The following PPP3CC variants were observed in gnomAD, a reference collection of about 807,000 sequenced individuals.
The protein encoded by PPP3CC is protein phosphatase 3 catalytic subunit gamma, also known as serine/threonine-protein phosphatase 2B catalytic subunit gamma isoform.
A neutral mutation model predicts 60.3 loss-of-function variants in PPP3CC; 35 were observed. That is an observed-to-expected ratio of 0.58 (90% CI 0.44 to 0.77). The LOEUF (loss-of-function observed/expected upper bound fraction) is 0.77. Ranked by LOEUF, PPP3CC falls within the 30% of genes least tolerant of loss-of-function variation. The pLI is 0.00. For synonymous variants in PPP3CC, 206 were observed against 224.3 expected, an observed-to-expected ratio of 0.92 and a Z score of 0.73; for missense variants, 570 against 628.9, an observed-to-expected ratio of 0.91 and a Z score of 1.00.
intron 6 of PPP3CC, among the ~76,000 whole-genome samples, chr8:22,521,403 G>A (rs1434988359): frequency 6.6e-6 from 1 of 152,158 alleles, no homozygotes; most frequent in Non-Finnish European, 1.5e-5. Flanking sequence ...AGACAAGTGG[G>A]ACTGGAGCCG....
At chr8:22,528,655 AT>A (rs1162115490) in intron 10 of PPP3CC, 78 bp downstream of exon 10, 1 of 1,055,802 alleles carries the variant, frequency 9.5e-7, no homozygotes, top group African/African-American at 1.6e-5. Context: ...ATTTTGAATG[AT>A]TTTCTTTGTC....
chr8:22,487,364 C>T (rs748843146), intron 3 of PPP3CC, among the ~76,000 whole-genome samples: 7 of 152,236 alleles, frequency 4.6e-5, no homozygotes, highest in East Asian at 1.9e-4. Flanking sequence ...TGGCTCACAC[C>T]GGTAATCCTA....
At chr8:22,475,685 ATTC>A (rs1438247122) in intron 3 of PPP3CC, 61 bp downstream of exon 3, 3 of 1,448,434 alleles carry the variant, frequency 2.1e-6, no homozygotes, top group Non-Finnish European at 1.9e-6. Flanking sequence ...GATGATTTCC[ATTC>A]TTCAGTAGAA....
Position 22,511,117 on chromosome 8 carries a change from T to C in PPP3CC, c.516T>C (p.Asp172=). 6.2e-7 allele frequency: 1 copy of C among 1,614,134 alleles called. No homozygotes were observed. Among genetic ancestry groups the C allele is most frequent in the South Asian group, 1.1e-5 (1 of 91,084 alleles). ...CRIKYSEQVY[D]ACMETFDCLP... ...TCAAATATTCGGAACAGGTGTATGA[T>C]GCCTGTATGGAGACATTTGACTGTC... Residue 172 remains aspartate, a synonymous_variant, in exon 5 of 14, where the codon GAT becomes GAC. Coordinates refer to ENST00000240139, the MANE Select transcript of PPP3CC (RefSeq NM_005605.5).
At chr8:22,525,542 C>T (rs1343469029) in intron 8 of PPP3CC, among the ~76,000 whole-genome samples, 9 of 54,968 alleles carry the variant, frequency 1.6e-4, no homozygotes, top group Admixed American at 1.2e-3. Context: ...TTCTTTCTCT[C>T]CCTCTCTCTC....
intron 1 of PPP3CC, among the ~76,000 whole-genome samples, chr8:22,473,442 A>C (rs1837790758): frequency 6.6e-6 from 1 of 151,372 alleles, no homozygotes; most frequent in Non-Finnish European, 1.5e-5. Flanking sequence ...CCAGGTTAGA[A>C]AACATAACTG....
At chr8:22,506,458 A>G (rs189546170) in intron 4 of PPP3CC, among the ~76,000 whole-genome samples, 3 of 152,342 alleles carry the variant, frequency 2.0e-5, no homozygotes, top group Non-Finnish European at 4.4e-5. Context: ...AAAAGCAAGT[A>G]AAGAACAGTA....
chr8:22,521,661 T>G (rs1839408043), intron 6 of PPP3CC, among the ~76,000 whole-genome samples: 1 of 152,160 alleles, frequency 6.6e-6, no homozygotes, highest in Admixed American at 6.5e-5. Context: ...ACTTTAAAAG[T>G]AAATTTGTTC....
chr8:22,469,653 T>A (rs1586805273), intron 1 of PPP3CC, among the ~76,000 whole-genome samples: 1 of 152,040 alleles, frequency 6.6e-6, no homozygotes, highest in Non-Finnish European at 1.5e-5. Context: ...AGGCCACATG[T>A]GGGTATTCTC....
At position 22,483,167 on chromosome 8, in the gene PPP3CC, A is replaced by T. The variant is rs535749685; in HGVS notation, c.372+7543A>T. ...ACTAAGAGAATGTCAATACTTTAAG[A>T]AAAGCCCTGTTCTACAATAGGAGAC... On this transcript the variant is annotated intron_variant, in intron 3 of 13. Transcript: ENST00000240139. 9.4e-4 allele frequency among the ~76,000 whole-genome samples: 143 copies of T among 152,392 alleles called. 1 individual carries two copies. The highest frequency in any genetic ancestry group is 3.2e-3 in the African/African-American group (132 of 41,590).
intron 4 of PPP3CC, among the ~76,000 whole-genome samples, chr8:22,501,897 C>T (rs970116623): frequency 7.2e-5 from 11 of 152,182 alleles, no homozygotes; most frequent in African/African-American, 2.4e-4. Context: ...CATGGTGGTA[C>T]AAGCCTGTAG....
At chr8:22,487,392 G>C (rs562636858) in intron 3 of PPP3CC, among the ~76,000 whole-genome samples, 2 of 152,300 alleles carry the variant, frequency 1.3e-5, no homozygotes, top group South Asian at 2.1e-4. Flanking sequence ...GGGAGGCCAA[G>C]GAGGGTGGGT....
chr8:22,503,681 T>C, intron 4 of PPP3CC, among the ~76,000 whole-genome samples: 1 of 152,184 alleles, frequency 6.6e-6, no homozygotes, highest in East Asian at 1.9e-4. Context: ...CCTGGAAACA[T>C]TTTAAGTATC....
chr8:22,445,759 T>A, intron 1 of PPP3CC, among the ~76,000 whole-genome samples: 1 of 152,240 alleles, frequency 6.6e-6, no homozygotes, highest in African/African-American at 2.4e-5. Flanking sequence ...ATTTTCAATG[T>A]GAATACGTTT....
At chr8:22,493,589 A>C (rs1838472073) in intron 3 of PPP3CC, among the ~76,000 whole-genome samples, 1 of 152,062 alleles carries the variant, frequency 6.6e-6, no homozygotes, top group African/African-American at 2.4e-5. Flanking sequence ...ACACACACAC[A>C]TGCACGTGCG....
chr8:22,492,505 C>T (rs77848379), intron 3 of PPP3CC: 6,639 of 282,934 alleles, frequency 0.023, 448 homozygotes, highest in African/African-American at 0.13. Context: ...TAATTTTGAG[C>T]TGCCATCTTG....
chr8:22,509,134 T>C (rs1038908616), intron 4 of PPP3CC, among the ~76,000 whole-genome samples: 1 of 152,184 alleles, frequency 6.6e-6, no homozygotes, highest in Non-Finnish European at 1.5e-5. Flanking sequence ...TCAAGCGTGG[T>C]CTACTGGTTT....
chr8:22,517,322 T>G lies in PPP3CC; in HGVS notation c.770+3890T>G, dbSNP rs188872645. Among the ~76,000 whole-genome samples the G allele has an allele frequency of 4.3e-4, 65 of 152,360 alleles. No individual in the cohort carries two copies. The East Asian group carries it at 9.4e-3, about 22-fold the overall frequency. ...TATGTTCATCAGAGATACTCACCTGTACTTTTCTTTCTTCTGGTGTCTTTG... is the reference window on the plus strand; with the variant it reads ...TATGTTCATCAGAGATACTCACCTGGACTTTTCTTTCTTCTGGTGTCTTTG... On this transcript the variant is annotated intron_variant, in intron 6 of 13. Transcript: ENST00000240139.
At chr8:22,509,426 G>A (rs1839018680) in intron 4 of PPP3CC, among the ~76,000 whole-genome samples, 1 of 152,216 alleles carries the variant, frequency 6.6e-6, no homozygotes, top group Admixed American at 6.5e-5. Context: ...AGGAGAAGGA[G>A]CTCACGGTTC....
Sources: gnomAD v4.1 joint callset for allele counts (sites outside exome capture counted in the v4.1 genomes callset) on GRCh38, gnomAD v4.1.1 for gene constraint, MANE v1.5 for transcripts, NCBI Gene and HGNC (gene_info 2026-07-23, HGNC 2026-07-21) for gene names.